The following CDKL5 variants were observed in gnomAD, a reference collection of about 807,000 sequenced individuals.
The protein encoded by CDKL5 is cyclin-dependent kinase-like 5.
In CDKL5, 8 loss-of-function variants were observed where a neutral mutation model predicts 61.7. The observed-to-expected ratio is 0.13, with a 90% CI of 0.08 to 0.23. The LOEUF is 0.23. CDKL5 is among the 10% of genes least tolerant of loss of function. CDKL5 has a pLI of 1.00. For missense variants in CDKL5, 440 were observed against 734.5 expected, an observed-to-expected ratio of 0.60 and a Z score of 4.63; for synonymous variants, 275 against 272.3, an observed-to-expected ratio of 1.01 and a Z score of -0.10.
At chrX:18,485,114 A>G (rs759443885) in intron 1 of CDKL5, among the ~76,000 whole-genome samples, 1 of 106,383 alleles carries the variant, frequency 9.4e-6, no homozygotes, top group East Asian at 2.9e-4. Context: ...TTTTTTTAAT[A>G]TAATTTTTGA....
chrX:18,469,338 CAAAAA>C (rs34096001), intron 1 of CDKL5, among the ~76,000 whole-genome samples: 1 of 15,670 alleles, frequency 6.4e-5, no homozygotes, highest in African/African-American at 2.8e-4. Context: ...GACTCTGTCT[CAAAAA>C]AAAAAAAAAA....
downstream of CDKL5, chrX:18,641,723 C>A (rs1390141773): frequency 2.8e-6 from 1 of 352,367 alleles, no homozygotes; most frequent in Non-Finnish European, 5.0e-6. Context: ...AAAAAATGAG[C>A]AGAAAATTAC....
chrX:18,644,622 A>G (rs1801161), downstream of CDKL5: 20,134 of 1,207,705 alleles, frequency 0.017, 1,103 homozygotes, highest in African/African-American at 0.22. Flanking sequence ...AGAGCCAGGC[A>G]CACCTGCCGA....
At chrX:18,644,685 G>A (rs1035366970), downstream of CDKL5, 9 of 1,110,720 alleles carry the variant, frequency 8.1e-6, no homozygotes, top group African/African-American at 5.5e-5. Context: ...CAAAAAGCCC[G>A]CAGGTGCTGG....
At chrX:18,522,812 T>G (rs1277350879) in intron 3 of CDKL5, among the ~76,000 whole-genome samples, 1 of 103,093 alleles carries the variant, frequency 9.7e-6, no homozygotes, top group Non-Finnish European at 2.0e-5. Context: ...TTTTTTTTTT[T>G]GGAGACAGAG....
intron 12 of CDKL5, among the ~76,000 whole-genome samples, chrX:18,607,675 G>A (rs909187763): frequency 5.4e-5 from 6 of 112,120 alleles, no homozygotes; most frequent in Non-Finnish European, 1.1e-4. Flanking sequence ...AACTTAAGCT[G>A]TGAGTGAATC....
chrX:18,454,637 A>G (rs1474200844), intron 1 of CDKL5, among the ~76,000 whole-genome samples: 8 of 109,378 alleles, frequency 7.3e-5, no homozygotes, highest in African/African-American at 3.3e-5. Context: ...GCTCACTGCA[A>G]TCTCTGCCTC....
At chrX:18,642,150 A>C (rs1453589894), downstream of CDKL5, 1 of 1,211,365 alleles carries the variant, frequency 8.3e-7, no homozygotes. Flanking sequence ...GAGTTGCCAT[A>C]GAAGACCTAG....
intron 7 of CDKL5, among the ~76,000 whole-genome samples, chrX:18,582,337 G>A (rs887255957): frequency 1.8e-5 from 2 of 111,376 alleles, no homozygotes; most frequent in Non-Finnish European, 3.8e-5. Flanking sequence ...TATCTATAAA[G>A]TCAAAAGACA....
intron 1 of CDKL5, among the ~76,000 whole-genome samples, chrX:18,448,269 T>C (rs1931927899): frequency 8.9e-6 from 1 of 112,065 alleles, no homozygotes; most frequent in Non-Finnish European, 1.9e-5. Context: ...CAATGTGATA[T>C]AAAATATGAT....
At position 18,630,928 on chromosome X, in the gene CDKL5, T is replaced by G; in HGVS notation, c.*2171T>G. 1.3e-6 allele frequency: 1 copy of G among 748,244 alleles called. No homozygotes were observed. Among genetic ancestry groups the G allele is most frequent in the Non-Finnish European group, 1.6e-6 (1 of 637,854 alleles). 61.7% of individuals were successfully genotyped at this position (748,244 alleles called of 1,213,427 possible). A position where few individuals can be genotyped will look rare whatever the true frequency, so the allele number is the denominator to read the frequency against. On this transcript the variant is annotated 3_prime_UTR_variant, in exon 18 of 18. Coordinates refer to ENST00000623535, the MANE Select transcript of CDKL5 (RefSeq NM_001323289.2). Reference sequence around the variant, plus strand: ...TAATGACTCTAAAAGGGTGTGTATTTAACTCTTCTTTTTCATACTAGATCT... The same window carrying G: ...TAATGACTCTAAAAGGGTGTGTATTGAACTCTTCTTTTTCATACTAGATCT...
chrX:18,652,146 G>A (rs1374938729), intron 21 of CDKL5, among the ~76,000 whole-genome samples: 2 of 110,970 alleles, frequency 1.8e-5, no homozygotes, highest in Non-Finnish European at 3.8e-5. Flanking sequence ...ACAGGTGCTG[G>A]GCACTCTCTA....
At chrX:18,451,965 T>C (rs1377899429) in intron 1 of CDKL5, among the ~76,000 whole-genome samples, 6 of 112,104 alleles carry the variant, frequency 5.4e-5, no homozygotes, top group Non-Finnish European at 1.1e-4. Context: ...TAAGGGAAGG[T>C]ATATGTGCTG....
rs144683916 is a variant in CDKL5, at chrX:18,647,222, T to C, written c.2797+1132T>C. 4,084 of 1,209,000 alleles carry C rather than the reference T, an allele frequency of 3.4e-3. 89 individuals are homozygous for C. The African/African-American group carries it at 0.063, about 19-fold the overall frequency. ...CCTTGACTGTTGAGCCGGGCCTTGTTTGCAGTCCACGAAGAATACCAGCCC... is the reference window on the plus strand; with the variant it reads ...CCTTGACTGTTGAGCCGGGCCTTGTCTGCAGTCCACGAAGAATACCAGCCC... On this transcript the variant is annotated intron_variant, in intron 20 of 21. Transcript: ENST00000379989.
intron 1 of CDKL5, among the ~76,000 whole-genome samples, chrX:18,452,301 A>G (rs1283703531): frequency 8.9e-6 from 1 of 112,416 alleles, no homozygotes; most frequent in Admixed American, 9.5e-5. Context: ...ATAGTGAAAT[A>G]TGGTCTTTTA....
chrX:18,585,736 G>A (rs1246939370), intron 8 of CDKL5, among the ~76,000 whole-genome samples: 1 of 110,882 alleles, frequency 9.0e-6, no homozygotes, highest in African/African-American at 3.3e-5. Flanking sequence ...TCCTTCTTTG[G>A]GACCACCCAA....
chrX:18,464,636 T>C (rs771648991), intron 1 of CDKL5, among the ~76,000 whole-genome samples: 1 of 111,705 alleles, frequency 9.0e-6, no homozygotes, highest in Non-Finnish European at 1.9e-5. Flanking sequence ...ATAGGAGATA[T>C]TCAGTGAATT....
intron 1 of CDKL5, among the ~76,000 whole-genome samples, chrX:18,481,589 T>C (rs1921580381): frequency 9.5e-6 from 1 of 104,825 alleles, no homozygotes; most frequent in Non-Finnish European, 2.0e-5. Flanking sequence ...TCTCGAACTC[T>C]TGGGCTCAAG....
At chrX:18,565,103 C>A (rs1924924833) in intron 4 of CDKL5, among the ~76,000 whole-genome samples, 1 of 111,625 alleles carries the variant, frequency 9.0e-6, no homozygotes, top group Non-Finnish European at 1.9e-5. Flanking sequence ...GTAAAATTAC[C>A]CCATGCTGGG....
Sources: allele counts gnomAD v4.1 joint callset (sites outside exome capture counted in the v4.1 genomes callset), GRCh38; gene constraint gnomAD v4.1.1; transcripts MANE v1.5; gene names NCBI Gene and HGNC (gene_info 2026-07-23, HGNC 2026-07-21).